The following TRMT9B variants were observed in gnomAD, a reference collection of about 807,000 sequenced individuals.
TRMT9B encodes the protein probable tRNA methyltransferase 9B.
Under a neutral mutation model 11.5 loss-of-function variants are expected in TRMT9B, and 16 were observed. The observed-to-expected ratio is 1.39, with a 90% CI of 0.94 to 2.11. The LOEUF (loss-of-function observed/expected upper bound fraction) is 2.11. TRMT9B is among the 30% of genes most tolerant of loss of function. The pLI, the probability that TRMT9B is intolerant of heterozygous loss-of-function variation, is 0.00. For synonymous variants in TRMT9B, 274 were observed against 192.4 expected, an observed-to-expected ratio of 1.42 and a Z score of -3.51; for missense variants, 941 against 553.8, an observed-to-expected ratio of 1.70 and a Z score of -7.02.
rs985037726 is a variant in TRMT9B at position 13,025,669 on chromosome 8, T to A, written c.*3625T>A. On this transcript the variant is annotated 3_prime_UTR_variant, in exon 5 of 5. Transcript: ENST00000524591. ...TAGTGAGAATCATTCAAGCACCTAT[T>A]TAAATTTTTTCCAATTGCCAGTATA... 4.8e-5 allele frequency: 8 copies of A among 167,072 alleles called. No homozygotes were observed. Among genetic ancestry groups the A allele is most frequent in the African/African-American group, 1.9e-4 (8 of 41,460 alleles). 10.3% of individuals were successfully genotyped at this position (167,072 alleles called of 1,614,324 possible).
At chr8:13,010,006 C>T (rs1019907019) in intron 3 of TRMT9B, among the ~76,000 whole-genome samples, 1 of 151,948 alleles carries the variant, frequency 6.6e-6, no homozygotes, top group East Asian at 1.9e-4. Context: ...AAGCATGATA[C>T]ACGTGCCTGT....
chr8:13,012,455 A>T (rs902601297), intron 3 of TRMT9B: 35 of 502,298 alleles, frequency 7.0e-5, no homozygotes, highest in African/African-American at 1.4e-4. Context: ...CGCGCCTATG[A>T]TCCCACCTAC....
intron 2 of TRMT9B, among the ~76,000 whole-genome samples, chr8:13,001,390 G>T (rs558761680): frequency 2.6e-5 from 4 of 152,172 alleles, no homozygotes; most frequent in African/African-American, 9.7e-5. Context: ...ACAGTGATGA[G>T]CAACTCTGAT....
intron 2 of TRMT9B, among the ~76,000 whole-genome samples, chr8:12,996,311 C>T (rs1465559545): frequency 6.6e-6 from 1 of 152,138 alleles, no homozygotes; most frequent in African/African-American, 2.4e-5. Flanking sequence ...ACTGATGAGT[C>T]ACTTACCTGG....
intron 1 of TRMT9B, among the ~76,000 whole-genome samples, chr8:12,989,407 G>T (rs77776526): frequency 0.019 from 2,937 of 152,262 alleles, 83 homozygotes; most frequent in African/African-American, 0.067. Flanking sequence ...TCCTAATTTA[G>T]GAAAAAGAAG....
chr8:12,976,032 A>G (rs1471225468), intron 1 of TRMT9B, among the ~76,000 whole-genome samples: 1 of 152,222 alleles, frequency 6.6e-6, no homozygotes, highest in Non-Finnish European at 1.5e-5. Context: ...CTGATCAGGA[A>G]TTTATTGAAA....
At chr8:12,957,224 G>T (rs747552398) in intron 1 of TRMT9B, among the ~76,000 whole-genome samples, 1 of 152,166 alleles carries the variant, frequency 6.6e-6, no homozygotes, top group Non-Finnish European at 1.5e-5. Context: ...AGCCAAGAGA[G>T]GCAAGAAGTA....
At chr8:12,974,641 G>C (rs1447010527) in intron 1 of TRMT9B, among the ~76,000 whole-genome samples, 1 of 151,906 alleles carries the variant, frequency 6.6e-6, no homozygotes, top group Admixed American at 6.6e-5. Context: ...TGGCAGTCTG[G>C]AGTACTGCCT....
rs764131417 is a variant in TRMT9B, at chr8:13,006,253, C to T, written c.51C>T (p.Tyr17=). ...AGAAGCAGCATGTGCACAATGTGTA[C>T]GAGAGCACAGCCCCTTACTTCAGCG... is the stretch of plus-strand genomic sequence containing the variant. The part of the protein sequence containing the change: ...QLEKQHVHNV[Y]ESTAPYFSDL... Residue 17 remains tyrosine (Y), a synonymous_variant, in exon 3 of 5, where the codon TAC becomes TAT. Coordinates refer to ENST00000524591, the MANE Select transcript of TRMT9B (RefSeq NM_020844.3). The T allele has an allele frequency of 9.9e-6, 16 of 1,613,820 alleles. No individual in the cohort carries two copies. Among genetic ancestry groups the T allele is most frequent in the African/African-American group, 9.3e-5 (7 of 74,932 alleles).
At chr8:12,966,725 G>C (rs1397200382) in intron 1 of TRMT9B, among the ~76,000 whole-genome samples, 1 of 152,196 alleles carries the variant, frequency 6.6e-6, no homozygotes, top group African/African-American at 2.4e-5. Flanking sequence ...AGAACTGGAT[G>C]CTGTGGGAAC....
Position 13,012,832 on chromosome 8 carries a change from C to G in TRMT9B, c.303C>G (p.Gly101=), listed in dbSNP as rs373678996. 1 of 1,613,874 alleles carries G rather than the reference C, an allele frequency of 6.2e-7. No homozygotes were observed. The highest frequency in any genetic ancestry group is 1.1e-5 in the South Asian group (1 of 91,072). ...TTAATCTCCCCTTTAGGGATGAGGG[C>G]TTCGATGCCATCATCTCCATAGGAG... ...DNLNLPFRDE[G]FDAIISIGVI... Residue 101 remains glycine (G), a synonymous_variant, in exon 4 of 5, where the codon GGC becomes GGG. Transcript: ENST00000524591.
chr8:12,978,424 T>G (rs1420589827), intron 1 of TRMT9B, among the ~76,000 whole-genome samples: 1 of 152,206 alleles, frequency 6.6e-6, no homozygotes, highest in African/African-American at 2.4e-5. Flanking sequence ...TTTCTTTACC[T>G]ACAACTGTCT....
At chr8:12,956,513 A>G (rs958912355) in intron 1 of TRMT9B, among the ~76,000 whole-genome samples, 2 of 152,200 alleles carry the variant, frequency 1.3e-5, no homozygotes, top group Non-Finnish European at 2.9e-5. Context: ...CTTAGGTTTG[A>G]TTTCATAATC....
At chr8:12,970,586 T>C (rs1213800558) in intron 1 of TRMT9B, among the ~76,000 whole-genome samples, 4 of 152,266 alleles carry the variant, frequency 2.6e-5, no homozygotes, top group African/African-American at 4.8e-5. Flanking sequence ...CTGACCTTTT[T>C]TGAGGCTTGC....
At chr8:13,011,222 G>A in intron 3 of TRMT9B, 1 of 781,950 alleles carries the variant, frequency 1.3e-6, no homozygotes, top group Non-Finnish European at 1.6e-6. Flanking sequence ...CTGCCCTCAA[G>A]TGATCCGCCC....
At chr8:12,949,415 T>C (rs1800429894) in intron 1 of TRMT9B, among the ~76,000 whole-genome samples, 1 of 152,202 alleles carries the variant, frequency 6.6e-6, no homozygotes. Flanking sequence ...AATTCTCTGG[T>C]ACAAAAATAA....
chr8:13,012,937 C>G lies in TRMT9B; in HGVS notation c.328+80C>G, dbSNP rs940698617. The stretch of plus-strand genomic sequence containing the variant: ...TTAGTCCGTTCTCATGACTCAACAT[C>G]CGTTCTGTGTAGAAATGTCAATGTA... On this transcript the variant is annotated intron_variant, in intron 4 of 4. Transcript: ENST00000524591. The G allele has an allele frequency of 6.7e-6, 10 of 1,486,506 alleles. No individual in the cohort carries two copies. The Admixed American group carries it at 2.0e-4, about 30-fold the overall frequency. The allele number at this position is 1,486,506 out of a possible 1,614,324, so 92.1% of individuals were successfully genotyped here.
intron 4 of TRMT9B, among the ~76,000 whole-genome samples, chr8:13,013,440 AACAAGTGTG>A (rs1812035381): frequency 6.6e-6 from 1 of 152,178 alleles, no homozygotes; most frequent in African/African-American, 2.4e-5. Context: ...ATATCCTCCC[AACAAGTGTG>A]ACCAGAAAAC....
intron 2 of TRMT9B, among the ~76,000 whole-genome samples, chr8:13,005,545 T>C (rs185045251): frequency 6.6e-6 from 1 of 152,266 alleles, no homozygotes; most frequent in East Asian, 1.9e-4. Flanking sequence ...ATGTACTCCG[T>C]AAATATATAC....
Sources: allele counts gnomAD v4.1 joint callset (sites outside exome capture counted in the v4.1 genomes callset), GRCh38; gene constraint gnomAD v4.1.1; transcripts MANE v1.5; gene names NCBI Gene and HGNC (gene_info 2026-07-23, HGNC 2026-07-21).